The following UTS2 variants were observed in gnomAD, a reference collection of about 807,000 sequenced individuals.
The protein encoded by UTS2 is urotensin-2.
In UTS2, 10 loss-of-function variants were observed where a neutral mutation model predicts 12.6. That is an observed-to-expected ratio of 0.80 (90% CI 0.49 to 1.35). The LOEUF is 1.35. Among genes scored for constraint, UTS2 ranks in the 40% most tolerant of loss-of-function variants. The probability of loss-of-function intolerance (pLI) is 0.00; values close to 1 mark genes in which losing one functional copy is unlikely to be tolerated. For synonymous variants in UTS2, 52 were observed against 50.0 expected (o/e 1.04, Z -0.17); for missense variants, 142 against 143.2 (o/e 0.99, Z 0.04).
chr1:7,887,088 C>T, the UTS2 span, among the ~76,000 whole-genome samples: 2 of 143,250 alleles, frequency 1.4e-5, no homozygotes, highest in Non-Finnish European at 3.0e-5. Flanking sequence ...TCTGGCCCTT[C>T]CTGTGGCCAG....
chr1:7,896,268 A>G, the UTS2 span, among the ~76,000 whole-genome samples: 2 of 152,182 alleles, frequency 1.3e-5, no homozygotes, highest in Admixed American at 6.5e-5. Flanking sequence ...TGAAAAAAAA[A>G]AAAAGTGTCC....
chr1:7,904,829 G>A, the UTS2 span, among the ~76,000 whole-genome samples: 5 of 149,724 alleles, frequency 3.3e-5, no homozygotes, highest in East Asian at 2.0e-4. Context: ...GCTTGAACCC[G>A]GGAGGCAGAG....
chr1:7,853,270 C>G (rs371264091), upstream of UTS2: 2 of 1,612,712 alleles, frequency 1.2e-6, no homozygotes, highest in Non-Finnish European at 1.7e-6. Flanking sequence ...ATATAAAGAA[C>G]AGTGAGTTTA....
Position 7,847,710 on chromosome 1 carries a change from T to G in UTS2, c.*56A>C. The G allele has an allele frequency of 7.3e-7, 1 of 1,366,550 alleles. No homozygotes were observed. The highest frequency in any genetic ancestry group is 1.0e-6 in the Non-Finnish European group (1 of 968,124). 84.7% of individuals were successfully genotyped at this position (1,366,550 alleles called of 1,614,324 possible). A position where few individuals can be genotyped will look rare whatever the true frequency, so the allele number is the denominator to read the frequency against. The stretch of plus-strand genomic sequence containing the variant: ...TGTTTTCAAATCAAGCATTGTGTTA[T>G]TTTTCATATTCTAAGATGGGTGTTT... On this transcript the variant is annotated 3_prime_UTR_variant, in exon 4 of 4. Transcript: ENST00000361696.
At chr1:7,904,316 A>T in the UTS2 span, among the ~76,000 whole-genome samples, 40 of 150,242 alleles carry the variant, frequency 2.7e-4, no homozygotes, top group African/African-American at 6.2e-4. Flanking sequence ...AAATAAAAAA[A>T]AAAAAAAATA....
upstream of UTS2, among the ~76,000 whole-genome samples, chr1:7,853,708 C>T (rs1003965208): frequency 6.6e-6 from 1 of 152,168 alleles, no homozygotes; most frequent in Non-Finnish European, 1.5e-5. Context: ...GGACTTAACA[C>T]CAGAAAACTC....
At chr1:7,876,295 C>T in the UTS2 span, among the ~76,000 whole-genome samples, 1 of 152,182 alleles carries the variant, frequency 6.6e-6, no homozygotes, top group Non-Finnish European at 1.5e-5. Flanking sequence ...TTGCCAACTA[C>T]CACCAGCACC....
At chr1:7,908,460 C>CA in the UTS2 span, among the ~76,000 whole-genome samples, 3,233 of 48,736 alleles carry the variant, frequency 0.066, 308 homozygotes, top group African/African-American at 0.17. Context: ...GACTCTGTCT[C>CA]AAAAAAAAAA....
chr1:7,903,965 T>C, the UTS2 span, among the ~76,000 whole-genome samples: 1 of 152,192 alleles, frequency 6.6e-6, no homozygotes, highest in African/African-American at 2.4e-5. Context: ...CCGTCTGATG[T>C]ACCTTCCACA....
At chr1:7,903,376 TATTA>T in the UTS2 span, among the ~76,000 whole-genome samples, 723 of 145,920 alleles carry the variant, frequency 5.0e-3, 35 homozygotes, top group African/African-American at 0.017. Context: ...TTTTTTTAAT[TATTA>T]ATTAATTAAT....
At chr1:7,909,766 G>A in the UTS2 span, among the ~76,000 whole-genome samples, 45 of 151,796 alleles carry the variant, frequency 3.0e-4, no homozygotes, top group Non-Finnish European at 3.4e-4. Flanking sequence ...GACTACAGGC[G>A]CCCACCACCA....
At chr1:7,850,080 C>T (rs2097412388) in intron 2 of UTS2, among the ~76,000 whole-genome samples, 1 of 151,762 alleles carries the variant, frequency 6.6e-6, no homozygotes, top group Non-Finnish European at 1.5e-5. Flanking sequence ...AGCAATTCTC[C>T]TGCCTCAGCC....
At chr1:7,893,883 T>A in the UTS2 span, among the ~76,000 whole-genome samples, 1 of 152,188 alleles carries the variant, frequency 6.6e-6, no homozygotes, top group East Asian at 1.9e-4. Flanking sequence ...CACACCATCA[T>A]TCACTTTAAT....
chr1:7,870,521 T>G, the UTS2 span, among the ~76,000 whole-genome samples: 1 of 152,230 alleles, frequency 6.6e-6, no homozygotes, highest in Non-Finnish European at 1.5e-5. Context: ...TCCAGTCTAA[T>G]CACCAAACTA....
the UTS2 span, among the ~76,000 whole-genome samples, chr1:7,872,299 C>CAAAAAAAAAAAAAAAAAAAAAAAAAAA: frequency 1.5e-5 from 1 of 65,886 alleles, no homozygotes; most frequent in Non-Finnish European, 2.7e-5. Context: ...GACTCTGTCT[C>CAAAAAAAAAAAAAAAAAAAAAAAAAAA]AAAAAAAAAA....
the UTS2 span, among the ~76,000 whole-genome samples, chr1:7,863,046 TTG>T: frequency 1.5e-3 from 54 of 35,528 alleles, 2 homozygotes; most frequent in South Asian, 2.4e-3. Flanking sequence ...TTGTATTGTA[TTG>T]TATTGTATTG....
At chr1:7,865,697 C>T in the UTS2 span, among the ~76,000 whole-genome samples, 11 of 152,174 alleles carry the variant, frequency 7.2e-5, no homozygotes, top group African/African-American at 2.7e-4. Context: ...CTTTGGGAGG[C>T]TGAGGTGAGA....
At chr1:7,861,618 GCAGGCCC>G in the UTS2 span, among the ~76,000 whole-genome samples, 1 of 152,166 alleles carries the variant, frequency 6.6e-6, no homozygotes, top group South Asian at 2.1e-4. Flanking sequence ...AGCCTCCGCA[GCAGGCCC>G]CAGGTCAACG....
upstream of UTS2, among the ~76,000 whole-genome samples, chr1:7,856,819 G>GC (rs942326219): frequency 8.3e-6 from 1 of 119,940 alleles, no homozygotes. Context: ...CCAGCACTTT[G>GC]GGGGGCCGAG....
Sources: allele counts gnomAD v4.1 joint callset (sites outside exome capture counted in the v4.1 genomes callset), GRCh38; gene constraint gnomAD v4.1.1; transcripts MANE v1.5; gene names NCBI Gene and HGNC (gene_info 2026-07-23, HGNC 2026-07-21).